Variants in CNOT2 observed in about 807,000 individuals in gnomAD.
CNOT2 encodes the protein CC chemokine receptor 4-negative regulator of transcription 2.
In CNOT2, 7 loss-of-function variants were observed where a neutral mutation model predicts 72.1. The ratio of observed to expected loss-of-function variants is 0.10; its 90% CI spans 0.06 to 0.18. The LOEUF is 0.18. Among genes scored for constraint, CNOT2 ranks in the 10% least tolerant of loss-of-function variants. The pLI, the probability that CNOT2 is intolerant of heterozygous loss-of-function variation, is 1.00. For missense variants in CNOT2, 345 were observed against 660.3 expected, an observed-to-expected ratio of 0.52 and a Z score of 5.23; for synonymous variants, 196 against 225.6, an observed-to-expected ratio of 0.87 and a Z score of 1.17.
intron 4 of CNOT2, chr12:70,327,390 TCA>T (rs1480300650): frequency 6.6e-6 from 1 of 151,914 alleles, no homozygotes; most frequent in Non-Finnish European, 1.5e-5. Flanking sequence ...TAGTAGGCAC[TCA>T]CAGAGGTGCT....
chr12:70,274,379 C>A (rs1868406015), intron 1 of CNOT2, among the ~76,000 whole-genome samples: 1 of 152,024 alleles, frequency 6.6e-6, no homozygotes, highest in Non-Finnish European at 1.5e-5. Context: ...TCGGTCACAT[C>A]TTGTAGTTTG....
At chr12:70,261,815 G>T (rs1443704421) in intron 1 of CNOT2, among the ~76,000 whole-genome samples, 1 of 151,530 alleles carries the variant, frequency 6.6e-6, no homozygotes, top group Admixed American at 6.6e-5. Flanking sequence ...ATTCACCAGT[G>T]AAGCTGCCTG....
chr12:70,326,680 G>A (rs902273315), intron 4 of CNOT2, among the ~76,000 whole-genome samples: 2 of 151,506 alleles, frequency 1.3e-5, no homozygotes, highest in Admixed American at 1.3e-4. Context: ...CATTCTTTAT[G>A]TTTTAAAGAA....
intron 2 of CNOT2, among the ~76,000 whole-genome samples, chr12:70,297,460 G>A (rs1056391918): frequency 6.6e-6 from 1 of 152,138 alleles, no homozygotes; most frequent in East Asian, 1.9e-4. Flanking sequence ...CCCTACATTA[G>A]AGAATCTACA....
At position 70,286,759 on chromosome 12, in the gene CNOT2, C is replaced by G. The variant is rs148315112; in HGVS notation, c.48+8485C>G. ...TTCATGAGAATGCTCCCCTCCAACA[C>G]AAAAAGAAGTATTGAGTTTGTAAGT... On this transcript the variant is annotated intron_variant, in intron 2 of 15. Transcript: ENST00000229195. Among the ~76,000 whole-genome samples, 741 of 148,048 alleles carry G rather than the reference C, an allele frequency of 5.0e-3. 20 individuals carry two copies. The highest frequency in any genetic ancestry group is 0.016 in the African/African-American group (665 of 41,052).
intron 1 of CNOT2, among the ~76,000 whole-genome samples, chr12:70,264,858 G>A (rs971965056): frequency 1.3e-5 from 2 of 151,972 alleles, no homozygotes; most frequent in Non-Finnish European, 2.9e-5. Flanking sequence ...ATAGTTTTTC[G>A]TTTGCTGTAT....
intron 3 of CNOT2, among the ~76,000 whole-genome samples, chr12:70,318,630 C>T (rs949268812): frequency 4.0e-5 from 6 of 151,818 alleles, no homozygotes; most frequent in Admixed American, 1.3e-4. Flanking sequence ...GCATTTACCA[C>T]ACTGTGCCTT....
chr12:70,245,113 T>G (rs1474598559), intron 1 of CNOT2, among the ~76,000 whole-genome samples: 1 of 152,220 alleles, frequency 6.6e-6, no homozygotes. Context: ...GAATCATAGT[T>G]GGCTGAAATG....
At chr12:70,251,682 A>G (rs1958149568) in intron 1 of CNOT2, among the ~76,000 whole-genome samples, 2 of 152,248 alleles carry the variant, frequency 1.3e-5, no homozygotes, top group East Asian at 1.9e-4. Flanking sequence ...TTTTCTCTCC[A>G]TTAAACAAAT....
intron 15 of CNOT2, among the ~76,000 whole-genome samples, chr12:70,351,870 T>G (rs1005907345): frequency 6.6e-6 from 1 of 152,168 alleles, no homozygotes; most frequent in Non-Finnish European, 1.5e-5. Flanking sequence ...CACAGTGTAT[T>G]AGGGCAGGAT....
chr12:70,312,906 T>C (rs530607945), intron 3 of CNOT2, among the ~76,000 whole-genome samples: 51 of 152,004 alleles, frequency 3.4e-4, no homozygotes, highest in Admixed American at 9.8e-4. Context: ...CCTATAATGC[T>C]ATCAGAAATA....
intron 4 of CNOT2, among the ~76,000 whole-genome samples, chr12:70,320,363 G>A (rs865825874): frequency 6.6e-6 from 1 of 151,688 alleles, no homozygotes; most frequent in Admixed American, 6.6e-5. Context: ...CGAAGTGGGA[G>A]GATGAAACTA....
intron 2 of CNOT2, among the ~76,000 whole-genome samples, chr12:70,309,911 T>C (rs899482043): frequency 1.3e-5 from 2 of 152,058 alleles, no homozygotes; most frequent in African/African-American, 4.8e-5. Flanking sequence ...TACCCATGGG[T>C]TCTGCATCTG....
At chr12:70,293,129 A>C (rs1411597941) in intron 2 of CNOT2, among the ~76,000 whole-genome samples, 1 of 151,308 alleles carries the variant, frequency 6.6e-6, no homozygotes. Flanking sequence ...TCAAGGATTC[A>C]ACATTTTTGT....
At chr12:70,337,360 C>T (rs774042073) in intron 8 of CNOT2, 29 bp from the exon 9 acceptor site, 2 of 1,575,652 alleles carry the variant, frequency 1.3e-6, no homozygotes, top group Non-Finnish European at 1.7e-6. Context: ...ATATCAATTG[C>T]AATTCTCCGG....
chr12:70,271,918 C>CA (rs145712733), intron 1 of CNOT2, among the ~76,000 whole-genome samples: 2,054 of 152,216 alleles, frequency 0.013, 46 homozygotes, highest in African/African-American at 0.046. Context: ...GTGCATTATA[C>CA]AAAAAATGAT....
At chr12:70,316,246 T>C (rs12312483) in intron 3 of CNOT2, among the ~76,000 whole-genome samples, 2,042 of 152,316 alleles carry the variant, frequency 0.013, 46 homozygotes, top group African/African-American at 0.046. Context: ...TAAAGTTTTA[T>C]ATTTTTCTAA....
intron 2 of CNOT2, among the ~76,000 whole-genome samples, chr12:70,290,304 G>A (rs1871661841): frequency 6.6e-6 from 1 of 151,692 alleles, no homozygotes; most frequent in South Asian, 2.1e-4. Context: ...AAATCTCAGA[G>A]GAACCCTCTG....
chr12:70,332,427 A>G (rs949011612), intron 6 of CNOT2: 1 of 174,546 alleles, frequency 5.7e-6, no homozygotes, highest in African/African-American at 2.4e-5. Context: ...ACTAACCTGC[A>G]TATTTTTGAG....
Sources: allele counts gnomAD v4.1 joint callset (sites outside exome capture counted in the v4.1 genomes callset), GRCh38; gene constraint gnomAD v4.1.1; transcripts MANE v1.5; gene names NCBI Gene and HGNC (gene_info 2026-07-23, HGNC 2026-07-21).